WWOX: variants seen among roughly 807,000 people sequenced by gnomAD.
The protein encoded by WWOX is WW domain containing oxidoreductase, also known as WW domain-containing oxidoreductase.
Under a neutral mutation model 46.2 loss-of-function variants are expected in WWOX, and 69 were observed. That is an observed-to-expected ratio of 1.49 (90% CI 1.23 to 1.82). WWOX has a LOEUF of 1.82. Among genes scored for constraint, WWOX ranks in the 40% most tolerant of loss-of-function variants. The probability of loss-of-function intolerance (pLI) is 0.00; values close to 1 mark genes in which losing one functional copy is unlikely to be tolerated. For missense variants in WWOX, 919 were observed against 542.6 expected, an observed-to-expected ratio of 1.69 and a Z score of -6.89; for synonymous variants, 359 against 202.6, an observed-to-expected ratio of 1.77 and a Z score of -6.56.
intron 1 of WWOX, among the ~76,000 whole-genome samples, chr16:78,101,342 C>T (rs1334208191): frequency 9.1e-5 from 3 of 32,958 alleles, no homozygotes; most frequent in African/African-American, 2.1e-4. Context: ...CTACCGCTCC[C>T]GGCCTTTTTT....
At chr16:78,908,541 G>GC (rs2045026363) in intron 8 of WWOX, among the ~76,000 whole-genome samples, 2 of 146,034 alleles carry the variant, frequency 1.4e-5, no homozygotes, top group South Asian at 4.4e-4. Context: ...CTCTGTCTCG[G>GC]AAAAAAAAAA....
intron 5 of WWOX, among the ~76,000 whole-genome samples, chr16:78,322,681 T>C (rs112672088): frequency 5.3e-5 from 8 of 152,324 alleles, no homozygotes; most frequent in African/African-American, 1.7e-4. Context: ...TTTATGATTA[T>C]CAACAAAGTT....
intron 8 of WWOX, among the ~76,000 whole-genome samples, chr16:78,731,909 G>T (rs944088861): frequency 2.0e-5 from 3 of 146,732 alleles, no homozygotes; most frequent in African/African-American, 7.7e-5. Flanking sequence ...GTGCAGTGGT[G>T]CCTTCACAGC....
rs150394717 is a variant in WWOX at position 78,976,079 on chromosome 16, T to A, written c.1057-235529T>A. Among the ~76,000 whole-genome samples, 46 of 152,360 alleles carry A rather than the reference T, an allele frequency of 3.0e-4. 1 individual carries two copies. The highest frequency in any genetic ancestry group is 1.1e-3 in the African/African-American group (44 of 41,590). ...GGCTCCAGCAACATTAGGGCATTGT[T>A]ATTCCATCCGAATGACAATTTCAAG... On this transcript the variant is annotated intron_variant, in intron 8 of 8. Transcript: ENST00000566780.
At chr16:78,489,628 T>G (rs1219222130) in intron 8 of WWOX, among the ~76,000 whole-genome samples, 1 of 152,174 alleles carries the variant, frequency 6.6e-6, no homozygotes, top group Non-Finnish European at 1.5e-5. Flanking sequence ...TAACTCTATT[T>G]CTTTGTGACC....
chr16:78,499,492 G>A (rs565522932), intron 8 of WWOX, among the ~76,000 whole-genome samples: 11 of 152,162 alleles, frequency 7.2e-5, no homozygotes, highest in South Asian at 2.1e-4. Context: ...GAGATTTTCC[G>A]TTCTTTGGCA....
intron 5 of WWOX, among the ~76,000 whole-genome samples, chr16:78,200,657 T>C (rs1486584730): frequency 6.6e-6 from 1 of 150,824 alleles, no homozygotes; most frequent in East Asian, 2.0e-4. Context: ...TGGGGAATTT[T>C]TGTTATCTGT....
intron 8 of WWOX, among the ~76,000 whole-genome samples, chr16:78,866,705 G>A (rs1042985255): frequency 1.3e-5 from 2 of 152,184 alleles, no homozygotes; most frequent in African/African-American, 4.8e-5. Context: ...GGCAGAGCAC[G>A]CAAATCAAGG....
chr16:79,010,659 CAG>C (rs1295998509), intron 8 of WWOX, among the ~76,000 whole-genome samples: 1 of 152,078 alleles, frequency 6.6e-6, no homozygotes, highest in African/African-American at 2.4e-5. Flanking sequence ...TTGGAGAAGA[CAG>C]TGGATTGTTT....
intron 5 of WWOX, among the ~76,000 whole-genome samples, chr16:78,263,688 A>G (rs1186199797): frequency 2.0e-5 from 3 of 152,190 alleles, no homozygotes; most frequent in African/African-American, 4.8e-5. Flanking sequence ...TCAAATGTAG[A>G]TCGTAATTTT....
chr16:78,685,363 A>T (rs1597443655), intron 8 of WWOX, among the ~76,000 whole-genome samples: 1 of 152,146 alleles, frequency 6.6e-6, no homozygotes, highest in African/African-American at 2.4e-5. Flanking sequence ...TATGTGTCTA[A>T]TATTCAGAGT....
intron 8 of WWOX, among the ~76,000 whole-genome samples, chr16:78,603,026 G>A (rs372554789): frequency 5.3e-5 from 8 of 152,270 alleles, no homozygotes; most frequent in Admixed American, 3.3e-4. Flanking sequence ...AGTATCTAGC[G>A]TGTTTTCAGA....
chr16:78,853,953 T>C (rs2052510004), intron 8 of WWOX, among the ~76,000 whole-genome samples: 1 of 152,198 alleles, frequency 6.6e-6, no homozygotes, highest in Non-Finnish European at 1.5e-5. Context: ...TGCCTTTTTA[T>C]TTCTGAAGGA....
intron 8 of WWOX, among the ~76,000 whole-genome samples, chr16:78,627,629 C>T (rs1567447233): frequency 2.6e-5 from 4 of 152,112 alleles, no homozygotes; most frequent in Admixed American, 6.5e-5. Context: ...AATAGGAAGA[C>T]AAAGAATGAA....
In WWOX at chr16:78,357,209, T is replaced by A. The variant is rs1337571333; in HGVS notation, c.517-29651T>A. Among the ~76,000 whole-genome samples the A allele has an allele frequency of 2.0e-5, 3 of 152,116 alleles. No homozygotes were observed. In the East Asian group the frequency reaches 5.8e-4, roughly 29 times the overall value. On this transcript the variant is annotated intron_variant, in intron 5 of 8. Coordinates refer to ENST00000566780, the MANE Select transcript of WWOX (RefSeq NM_016373.4). ...CTCCTTATGAAGGGAGTCATATGAG[T>A]TGCTAGCTGGGTTCTCTGGATGGTG... is the stretch of plus-strand genomic sequence containing the variant.
chr16:78,870,185 G>T (rs1416161583), intron 8 of WWOX, among the ~76,000 whole-genome samples: 1 of 152,158 alleles, frequency 6.6e-6, no homozygotes, highest in African/African-American at 2.4e-5. Context: ...CTAAGATCCT[G>T]GATGGCAGGT....
chr16:78,147,466 A>G (rs1423242188), intron 4 of WWOX, among the ~76,000 whole-genome samples: 1 of 152,148 alleles, frequency 6.6e-6, no homozygotes, highest in African/African-American at 2.4e-5. Flanking sequence ...AAAAGTTACT[A>G]GCGATGGAGA....
At chr16:78,921,508 C>T (rs985378940) in intron 8 of WWOX, among the ~76,000 whole-genome samples, 1 of 152,134 alleles carries the variant, frequency 6.6e-6, no homozygotes, top group Non-Finnish European at 1.5e-5. Context: ...TTTCAAAGAC[C>T]TTTCACAGTC....
intron 8 of WWOX, among the ~76,000 whole-genome samples, chr16:78,684,388 G>C (rs915842103): frequency 1.3e-5 from 2 of 152,220 alleles, no homozygotes; most frequent in Non-Finnish European, 2.9e-5. Flanking sequence ...GGGAGTGCCA[G>C]TGGGTAGGGA....
Sources: allele counts gnomAD v4.1 joint callset (sites outside exome capture counted in the v4.1 genomes callset), GRCh38; gene constraint gnomAD v4.1.1; transcripts MANE v1.5; gene names NCBI Gene and HGNC (gene_info 2026-07-23, HGNC 2026-07-21).